Variants in SLC39A11 observed in about 807,000 individuals in gnomAD.
SLC39A11 encodes the protein solute carrier family 39 member 11.
Under a neutral mutation model 36.1 loss-of-function variants are expected in SLC39A11, and 33 were observed. That is an observed-to-expected ratio of 0.91 (90% confidence interval 0.69 to 1.22). The LOEUF (loss-of-function observed/expected upper bound fraction) is 1.22. SLC39A11 is among the 50% of genes most tolerant of loss of function. The pLI, the probability that SLC39A11 is intolerant of heterozygous loss-of-function variation, is 0.00. For missense variants in SLC39A11, 432 were observed against 430.3 expected (o/e 1.00, Z -0.03); for synonymous variants, 166 against 170.3 (o/e 0.97, Z 0.20).
intron 4 of SLC39A11, among the ~76,000 whole-genome samples, chr17:72,979,523 A>G (rs532210105): frequency 1.3e-5 from 2 of 152,282 alleles, no homozygotes; most frequent in East Asian, 3.9e-4. Flanking sequence ...GACATTCCCA[A>G]ACATTACTGG....
At chr17:72,913,062 A>C (rs1000384084) in intron 5 of SLC39A11, among the ~76,000 whole-genome samples, 23 of 152,164 alleles carry the variant, frequency 1.5e-4, no homozygotes, top group Middle Eastern at 3.2e-3. Flanking sequence ...ATTTCTAAAA[A>C]GTCCTGATTT....
At chr17:72,797,264 C>T (rs1280068472) in intron 6 of SLC39A11, among the ~76,000 whole-genome samples, 1 of 152,096 alleles carries the variant, frequency 6.6e-6, no homozygotes, top group Non-Finnish European at 1.5e-5. Context: ...AGCCATGTCC[C>T]TGAGGAATGC....
At chr17:72,926,204 T>C (rs1325082405) in intron 5 of SLC39A11, among the ~76,000 whole-genome samples, 1 of 152,208 alleles carries the variant, frequency 6.6e-6, no homozygotes, top group Non-Finnish European at 1.5e-5. Context: ...AACAATGAAA[T>C]TTTAAAAAAT....
chr17:72,793,933 T>C lies in SLC39A11; in HGVS notation c.601+55701A>G, dbSNP rs529713458. On this transcript the variant is annotated intron_variant, in intron 6 of 9. Transcript: ENST00000255559. ...GCTGGGTTACAAATGACACAGCTGATACCACACCGGCCAGTATACAGAGAA... is the reference window on the plus strand; with the variant it reads ...GCTGGGTTACAAATGACACAGCTGACACCACACCGGCCAGTATACAGAGAA... Among the ~76,000 whole-genome samples the C allele has an allele frequency of 8.6e-4, 130 of 151,490 alleles. 2 individuals carry two copies. Among genetic ancestry groups the C allele is most frequent in the African/African-American group, 3.0e-3 (122 of 40,800 alleles).
intron 6 of SLC39A11, among the ~76,000 whole-genome samples, chr17:72,773,377 G>A (rs558177231): frequency 1.7e-4 from 26 of 152,112 alleles, no homozygotes; most frequent in Non-Finnish European, 2.6e-4. Context: ...TCATGGGGGT[G>A]GCTTCCCCCA....
intron 7 of SLC39A11, among the ~76,000 whole-genome samples, chr17:72,704,078 C>A (rs554592666): frequency 6.6e-6 from 1 of 152,140 alleles, no homozygotes; most frequent in Non-Finnish European, 1.5e-5. Flanking sequence ...CAGTGAGCTG[C>A]GATCATGCCA....
intron 5 of SLC39A11, among the ~76,000 whole-genome samples, chr17:72,941,480 G>A (rs1213456946): frequency 6.6e-6 from 1 of 152,012 alleles, no homozygotes; most frequent in Non-Finnish European, 1.5e-5. Context: ...ACATGTGAGT[G>A]CCAAATTGCC....
chr17:72,680,834 T>C (rs1037602248), intron 7 of SLC39A11, among the ~76,000 whole-genome samples: 5 of 152,252 alleles, frequency 3.3e-5, no homozygotes, highest in Non-Finnish European at 7.3e-5. Flanking sequence ...TGTATGGGTA[T>C]GTCTCATTTT....
intron 5 of SLC39A11, among the ~76,000 whole-genome samples, chr17:72,933,102 GA>G (rs2084525544): frequency 6.6e-6 from 1 of 152,128 alleles, no homozygotes; most frequent in Non-Finnish European, 1.5e-5. Context: ...AATCAGGTAA[GA>G]AAATGAAATT....
intron 3 of SLC39A11, among the ~76,000 whole-genome samples, chr17:73,076,802 CT>C (rs76799031): frequency 3.6e-3 from 496 of 139,312 alleles, no homozygotes; most frequent in African/African-American, 5.5e-3. Context: ...TTCTTTTTTT[CT>C]TTTTTTTTTT....
chr17:72,727,651 C>CAAAAAAAA, intron 7 of SLC39A11, among the ~76,000 whole-genome samples: 1 of 73,156 alleles, frequency 1.4e-5, no homozygotes, highest in Non-Finnish European at 3.0e-5. Context: ...GACTCCGTCT[C>CAAAAAAAA]AAAAAAAAAA....
intron 5 of SLC39A11, among the ~76,000 whole-genome samples, chr17:72,934,622 C>T (rs2084631004): frequency 6.6e-6 from 1 of 152,156 alleles, no homozygotes; most frequent in African/African-American, 2.4e-5. Flanking sequence ...GCCGAGATTG[C>T]GCCACTGCAC....
chr17:72,683,314 C>T (rs1031459457), intron 7 of SLC39A11, among the ~76,000 whole-genome samples: 17 of 151,666 alleles, frequency 1.1e-4, no homozygotes, highest in Non-Finnish European at 2.4e-4. Context: ...GGTTTTGCTG[C>T]CCCATTTCCT....
intron 7 of SLC39A11, among the ~76,000 whole-genome samples, chr17:72,697,763 A>T (rs1442542120): frequency 4.0e-5 from 5 of 125,460 alleles, no homozygotes; most frequent in Non-Finnish European, 8.4e-5. Flanking sequence ...GACCCTCATG[A>T]TCCTAGGGGC....
chr17:73,081,678 TAC>T (rs2060527925), intron 3 of SLC39A11, among the ~76,000 whole-genome samples: 1 of 146,948 alleles, frequency 6.8e-6, no homozygotes, highest in East Asian at 1.9e-4. Flanking sequence ...CACATATATA[TAC>T]ACATATATGT....
At chr17:72,890,636 G>A (rs1452021108) in intron 5 of SLC39A11, among the ~76,000 whole-genome samples, 3 of 152,156 alleles carry the variant, frequency 2.0e-5, no homozygotes, top group Non-Finnish European at 4.4e-5. Context: ...GTGGCTGTTG[G>A]ACAGATAAGT....
chr17:72,828,732 G>A (rs1482629774), intron 6 of SLC39A11, among the ~76,000 whole-genome samples: 3 of 152,114 alleles, frequency 2.0e-5, no homozygotes, highest in Admixed American at 2.0e-4. Context: ...TGTGTGCCAC[G>A]TTTCCAGGAC....
At chr17:73,019,624 T>C (rs899468300) in intron 4 of SLC39A11, among the ~76,000 whole-genome samples, 1 of 152,134 alleles carries the variant, frequency 6.6e-6, no homozygotes, top group Non-Finnish European at 1.5e-5. Flanking sequence ...GAGATACATT[T>C]TTAAATCCAG....
intron 5 of SLC39A11, among the ~76,000 whole-genome samples, chr17:72,878,857 G>A (rs1456993343): frequency 6.6e-6 from 1 of 152,172 alleles, no homozygotes; most frequent in Non-Finnish European, 1.5e-5. Flanking sequence ...CCAAAAGACT[G>A]CCCATACTTC....
Sources: allele counts gnomAD v4.1 joint callset (sites outside exome capture counted in the v4.1 genomes callset), GRCh38; gene constraint gnomAD v4.1.1; transcripts MANE v1.5; gene names NCBI Gene and HGNC (gene_info 2026-07-23, HGNC 2026-07-21).